TSHZ2: variants seen among roughly 807,000 people sequenced by gnomAD.
TSHZ2 encodes the protein teashirt homolog 2.
Under a neutral mutation model 74.4 loss-of-function variants are expected in TSHZ2, and 21 were observed. That is an observed-to-expected ratio of 0.28 (90% CI 0.20 to 0.41). The LOEUF (loss-of-function observed/expected upper bound fraction) is 0.41, where lower values mean the gene tolerates loss of function less well. TSHZ2 is among the 10% of genes least tolerant of loss of function. The probability of loss-of-function intolerance (pLI) is 1.00; values close to 1 mark genes in which losing one functional copy is unlikely to be tolerated. For missense variants in TSHZ2, 1,244 were observed against 1,293.5 expected, an observed-to-expected ratio of 0.96 and a Z score of 0.59; for synonymous variants, 540 against 515.3, an observed-to-expected ratio of 1.05 and a Z score of -0.65.
chr20:53,223,423 G>T (rs770958356), intron 1 of TSHZ2, among the ~76,000 whole-genome samples: 6 of 152,072 alleles, frequency 3.9e-5, no homozygotes, highest in Non-Finnish European at 8.8e-5. Context: ...ACGGGGTCTT[G>T]CTCTGTCACC....
In TSHZ2 at chr20:53,024,306, G is replaced by A. The variant is rs530417872; in HGVS notation, c.40+50973G>A. On this transcript the variant is annotated intron_variant, in intron 1 of 2. Coordinates refer to ENST00000371497, the MANE Select transcript of TSHZ2 (RefSeq NM_173485.6). ...TCATATGTTCTGCTTTTAATCTGGC[G>A]TTTCCTGGTTTGTGTTTTAAGGGAA... Among the ~76,000 whole-genome samples, 12 of 151,462 alleles carry A rather than the reference G, an allele frequency of 7.9e-5. No homozygotes were observed. In the South Asian group the frequency reaches 8.4e-4, roughly 11 times the overall value.
At chr20:53,396,725 T>C (rs1982461077) in intron 2 of TSHZ2, among the ~76,000 whole-genome samples, 1 of 151,770 alleles carries the variant, frequency 6.6e-6, no homozygotes, top group African/African-American at 2.4e-5. Context: ...CTCATGCCTG[T>C]AGTCCCAGCT....
intron 1 of TSHZ2, among the ~76,000 whole-genome samples, chr20:53,199,508 AT>A (rs1380829778): frequency 1.3e-5 from 2 of 152,218 alleles, no homozygotes; most frequent in African/African-American, 2.4e-5. Flanking sequence ...ATCAAGACAC[AT>A]GAATATTGTC....
At chr20:53,469,170 G>GT (rs1397858730) in intron 2 of TSHZ2, among the ~76,000 whole-genome samples, 4 of 147,218 alleles carry the variant, frequency 2.7e-5, no homozygotes, top group African/African-American at 1.0e-4. Context: ...ACCTAGAGAG[G>GT]TTTTTTTCTC....
intron 1 of TSHZ2, among the ~76,000 whole-genome samples, chr20:53,153,435 A>T (rs1028949246): frequency 4.6e-5 from 7 of 152,194 alleles, no homozygotes; most frequent in African/African-American, 1.7e-4. Flanking sequence ...GTATATTGGG[A>T]TGTTACAGTT....
intron 2 of TSHZ2, among the ~76,000 whole-genome samples, chr20:53,382,454 T>C (rs1454676020): frequency 3.3e-5 from 5 of 152,042 alleles, no homozygotes; most frequent in African/African-American, 1.2e-4. Context: ...TTAAAAGAAC[T>C]GGAGAAGGGG....
At chr20:53,361,207 C>A (rs1981038853) in intron 2 of TSHZ2, among the ~76,000 whole-genome samples, 1 of 152,238 alleles carries the variant, frequency 6.6e-6, no homozygotes, top group South Asian at 2.1e-4. Flanking sequence ...CAGTGATGAG[C>A]AAACTCCTCT....
chr20:53,112,530 GT>G (rs1487833891), intron 1 of TSHZ2, among the ~76,000 whole-genome samples: 1 of 151,982 alleles, frequency 6.6e-6, no homozygotes, highest in East Asian at 1.9e-4. Context: ...TTTTTTGTTG[GT>G]TTTTTGTTTG....
At chr20:53,483,544 AT>A (rs1159656183) in intron 2 of TSHZ2, among the ~76,000 whole-genome samples, 1 of 152,094 alleles carries the variant, frequency 6.6e-6, no homozygotes, top group African/African-American at 2.4e-5. Flanking sequence ...AACAAAACAA[AT>A]TTTTAATTAA....
chr20:53,181,812 C>T (rs550655657), intron 1 of TSHZ2, among the ~76,000 whole-genome samples: 90 of 152,168 alleles, frequency 5.9e-4, no homozygotes, highest in Admixed American at 1.5e-3. Flanking sequence ...GGCGTGAACC[C>T]GGGAAGCGGA....
chr20:53,485,659 A>G (rs1986272032), intron 2 of TSHZ2, among the ~76,000 whole-genome samples: 1 of 152,028 alleles, frequency 6.6e-6, no homozygotes, highest in Non-Finnish European at 1.5e-5. Context: ...TAATGAACCC[A>G]CATCGTGCCA....
At chr20:53,288,410 CA>C (rs11475652) in intron 2 of TSHZ2, among the ~76,000 whole-genome samples, 78,126 of 127,002 alleles carry the variant, frequency 0.62, 21,294 homozygotes, top group Middle Eastern at 0.68. Flanking sequence ...GACTCCGTTT[CA>C]AAAAAAAAAA....
intron 1 of TSHZ2, among the ~76,000 whole-genome samples, chr20:53,000,448 T>C (rs1192950792): frequency 6.6e-6 from 1 of 152,212 alleles, no homozygotes; most frequent in Non-Finnish European, 1.5e-5. Flanking sequence ...ATTTTTAAAA[T>C]AATTATGGTT....
intron 2 of TSHZ2, among the ~76,000 whole-genome samples, chr20:53,403,019 C>T (rs917209679): frequency 2.6e-5 from 4 of 152,140 alleles, no homozygotes; most frequent in African/African-American, 9.7e-5. Context: ...AGGTAGTGGA[C>T]GCAGTACCCA....
chr20:53,453,391 A>G (rs1984890544), intron 2 of TSHZ2, among the ~76,000 whole-genome samples: 1 of 152,218 alleles, frequency 6.6e-6, no homozygotes, highest in South Asian at 2.1e-4. Flanking sequence ...ATGTGGTGAA[A>G]TTGATGACTG....
intron 1 of TSHZ2, among the ~76,000 whole-genome samples, chr20:53,038,373 T>C (rs1252004350): frequency 1.3e-5 from 2 of 152,062 alleles, no homozygotes; most frequent in African/African-American, 4.8e-5. Context: ...TACAGGAAGA[T>C]TGGGTTTCTC....
chr20:53,077,872 CCTGT>C (rs1334135147), intron 1 of TSHZ2, among the ~76,000 whole-genome samples: 1 of 152,192 alleles, frequency 6.6e-6, no homozygotes, highest in African/African-American at 2.4e-5. Flanking sequence ...GCTCACTCTC[CCTGT>C]CTGTTCTGAA....
chr20:53,472,263 G>A lies in TSHZ2; in HGVS notation c.*9-14881G>A, dbSNP rs575095400. On this transcript the variant is annotated intron_variant, in intron 2 of 2. Transcript: ENST00000371497. ...CCACAGCCATCCAGGGCAGATAGGC[G>A]CAGGCCTGAATTGTGTGCACAATTG... 1.1e-4 allele frequency among the ~76,000 whole-genome samples: 17 copies of A among 152,214 alleles called. No homozygotes were observed. In the East Asian group the frequency reaches 1.2e-3, roughly 10 times the overall value.
intron 1 of TSHZ2, among the ~76,000 whole-genome samples, chr20:53,002,803 T>C (rs1982488272): frequency 6.6e-6 from 1 of 152,154 alleles, no homozygotes; most frequent in Non-Finnish European, 1.5e-5. Flanking sequence ...AGGTACGACG[T>C]GTGTATTAAT....
Sources: gnomAD v4.1 joint callset for allele counts (sites outside exome capture counted in the v4.1 genomes callset) on GRCh38, gnomAD v4.1.1 for gene constraint, MANE v1.5 for transcripts, NCBI Gene and HGNC (gene_info 2026-07-23, HGNC 2026-07-21) for gene names.